GADL1: variants seen among roughly 807,000 people sequenced by gnomAD.
GADL1 encodes the protein GAD like acidic amino acid decarboxylase 1.
GADL1 carries 71 observed loss-of-function variants against 69.5 expected under a neutral mutation model. The observed-to-expected ratio is 1.02, with a 90% CI of 0.84 to 1.25. The LOEUF is 1.25. GADL1 is among the 50% of genes most tolerant of loss of function. The pLI, the probability that GADL1 is intolerant of heterozygous loss-of-function variation, is 0.00. For missense variants in GADL1, 737 were observed against 631.8 expected (o/e 1.17, Z -1.79); for synonymous variants, 254 against 214.4 (o/e 1.18, Z -1.62).
At chr3:30,796,140 T>A (rs1191729593) in intron 12 of GADL1, among the ~76,000 whole-genome samples, 1 of 152,156 alleles carries the variant, frequency 6.6e-6, no homozygotes, top group African/African-American at 2.4e-5. Flanking sequence ...AAAATATCTA[T>A]AACCTTATTT....
At chr3:30,765,862 TTGTC>T (rs760857522) in intron 14 of GADL1, among the ~76,000 whole-genome samples, 5 of 152,174 alleles carry the variant, frequency 3.3e-5, no homozygotes, top group Admixed American at 6.5e-5. Flanking sequence ...ATTGCATAAT[TTGTC>T]TGTTTCTCTC....
intron 14 of GADL1, among the ~76,000 whole-genome samples, chr3:30,743,845 A>T (rs927152973): frequency 3.9e-5 from 6 of 152,130 alleles, no homozygotes; most frequent in Non-Finnish European, 8.8e-5. Flanking sequence ...TTGCTAAGTG[A>T]CCACTTCTGA....
At chr3:30,834,327 T>C (rs768824601) in intron 9 of GADL1, 46 bp from the exon 10 acceptor site, 3 of 1,523,598 alleles carry the variant, frequency 2.0e-6, no homozygotes, top group South Asian at 1.1e-5. Context: ...TTCAATGTTA[T>C]TTGTTTACCA....
rs1695368659 is a variant in GADL1 at position 30,726,508 on chromosome 3, C to T, written c.*1734G>A. 1 of 151,346 alleles carries T rather than the reference C, an allele frequency of 6.6e-6. No individual in the cohort carries two copies. Among genetic ancestry groups the T allele is most frequent in the South Asian group, 2.1e-4 (1 of 4,738 alleles). The allele number at this position is 151,346 out of a possible 1,614,324, so 9.4% of individuals were successfully genotyped here. On this transcript the variant is annotated 3_prime_UTR_variant, in exon 15 of 15. Coordinates refer to ENST00000282538, the MANE Select transcript of GADL1 (RefSeq NM_207359.3). Reference sequence around the variant, plus strand: ...AAACACACACACACACACACACACACCAATAGGTTTCACCTGAGAATTTGA... The same window carrying T: ...AAACACACACACACACACACACACATCAATAGGTTTCACCTGAGAATTTGA...
Position 30,844,225 on chromosome 3 carries a change from C to A in GADL1, c.771G>T (p.Trp257Cys). 6.2e-7 allele frequency: 1 copy of A among 1,612,644 alleles called. No individual in the cohort carries two copies. Among genetic ancestry groups the A allele is most frequent in the Non-Finnish European group, 8.5e-7 (1 of 1,179,328 alleles). ...CCCCTCTCACCTCTTTTCTGGCTTG[C>A]CAGACTTGCTTCTCCAGTTCCTCAG... is the stretch of plus-strand genomic sequence containing the variant. ...MIPEELEKQV[W>C]QARKEGAAPF... is the part of the protein sequence containing the mutation. Residue 257 changes from tryptophan to cysteine, a missense_variant, in exon 8 of 15, where the codon TGG becomes TGT. Coordinates refer to ENST00000282538, the MANE Select transcript of GADL1 (RefSeq NM_207359.3).
intron 1 of GADL1, among the ~76,000 whole-genome samples, chr3:30,883,808 A>G (rs1316371476): frequency 6.6e-6 from 1 of 151,814 alleles, no homozygotes; most frequent in Non-Finnish European, 1.5e-5. Context: ...TGTGTCTTTA[A>G]TTTCTTTTAG....
intron 14 of GADL1, among the ~76,000 whole-genome samples, chr3:30,762,100 G>A (rs529991847): frequency 5.8e-4 from 88 of 152,206 alleles, no homozygotes; most frequent in Non-Finnish European, 1.2e-3. Flanking sequence ...GCCCTGCTTA[G>A]GAACCCATGT....
chr3:30,857,382 T>C (rs1698245503), intron 2 of GADL1, among the ~76,000 whole-genome samples: 1 of 152,038 alleles, frequency 6.6e-6, no homozygotes, highest in Admixed American at 6.6e-5. Flanking sequence ...TCTAAGTTGT[T>C]ACATAGAATA....
intron 14 of GADL1, among the ~76,000 whole-genome samples, chr3:30,774,396 AG>A (rs1428912573): frequency 6.6e-6 from 1 of 152,212 alleles, no homozygotes; most frequent in Non-Finnish European, 1.5e-5. Flanking sequence ...CATTTTTAAT[AG>A]TTTTCTACTA....
intron 14 of GADL1, among the ~76,000 whole-genome samples, chr3:30,759,486 A>T (rs1696067669): frequency 6.6e-6 from 1 of 152,076 alleles, no homozygotes; most frequent in Non-Finnish European, 1.5e-5. Context: ...TGTCATTTTC[A>T]CCTTTGATAT....
chr3:30,862,987 T>C (rs940245798), intron 1 of GADL1, among the ~76,000 whole-genome samples: 9 of 151,792 alleles, frequency 5.9e-5, no homozygotes, highest in African/African-American at 2.2e-4. Flanking sequence ...TTCAAACACA[T>C]GTACAAAGAG....
intron 14 of GADL1, among the ~76,000 whole-genome samples, chr3:30,750,185 G>A (rs1695782936): frequency 6.6e-6 from 1 of 152,144 alleles, no homozygotes. Flanking sequence ...TTTAATGAAT[G>A]GGACAGAAGG....
chr3:30,868,863 A>G (rs1414646766), intron 1 of GADL1, among the ~76,000 whole-genome samples: 1 of 151,922 alleles, frequency 6.6e-6, no homozygotes, highest in Non-Finnish European at 1.5e-5. Flanking sequence ...ATGAATCAAA[A>G]GTGAATCCAG....
intron 2 of GADL1, among the ~76,000 whole-genome samples, chr3:30,858,996 T>C (rs894078870): frequency 4.6e-5 from 7 of 151,996 alleles, no homozygotes; most frequent in African/African-American, 1.7e-4. Context: ...TGTCAAATAC[T>C]GCTAAGAAGC....
rs140103517 is a variant in GADL1 at position 30,854,995 on chromosome 3, G to A, written c.338-206C>T. ...TAGAATTCTAGGTACTTTGTGGAAA[G>A]AATTATGGATTGGGAAGGGACTTCA... On this transcript the variant is annotated intron_variant, in intron 3 of 14. Coordinates refer to ENST00000282538, the MANE Select transcript of GADL1 (RefSeq NM_207359.3). 2.2e-4 allele frequency among the ~76,000 whole-genome samples: 33 copies of A among 152,206 alleles called. No individual in the cohort carries two copies. The East Asian group carries it at 5.4e-3, about 25-fold the overall frequency.
At chr3:30,755,551 C>T (rs1438240716) in intron 14 of GADL1, among the ~76,000 whole-genome samples, 1 of 151,820 alleles carries the variant, frequency 6.6e-6, no homozygotes, top group Non-Finnish European at 1.5e-5. Flanking sequence ...ATCTCCTTTG[C>T]AATATGTTAC....
At chr3:30,843,442 G>T (rs1185242674) in intron 8 of GADL1, among the ~76,000 whole-genome samples, 3 of 151,972 alleles carry the variant, frequency 2.0e-5, no homozygotes, top group Non-Finnish European at 4.4e-5. Context: ...ATTGTTGGTA[G>T]TGACGGGGTT....
At chr3:30,816,913 T>C (rs1044098629) in intron 11 of GADL1, among the ~76,000 whole-genome samples, 4 of 152,124 alleles carry the variant, frequency 2.6e-5, no homozygotes, top group African/African-American at 9.7e-5. Context: ...TATAGCATCT[T>C]AGGGTGAAGA....
At chr3:30,744,695 T>C (rs1421478825) in intron 14 of GADL1, among the ~76,000 whole-genome samples, 1 of 152,042 alleles carries the variant, frequency 6.6e-6, no homozygotes, top group Non-Finnish European at 1.5e-5. Context: ...GCCTGGGCAA[T>C]AGAGTGGCAC....
Sources: gnomAD v4.1 joint callset for allele counts (sites outside exome capture counted in the v4.1 genomes callset) on GRCh38, gnomAD v4.1.1 for gene constraint, MANE v1.5 for transcripts, NCBI Gene and HGNC (gene_info 2026-07-23, HGNC 2026-07-21) for gene names.